The following ANKRD42 variants were observed in gnomAD, a reference collection of about 807,000 sequenced individuals.
ANKRD42 encodes ankyrin repeat domain-containing protein 42.
In ANKRD42, 43 loss-of-function variants were observed where a neutral mutation model predicts 51.5. That is an observed-to-expected ratio of 0.83 (90% CI 0.65 to 1.08). The LOEUF is 1.08. ANKRD42 is among the 50% of genes least tolerant of loss of function. The pLI is 0.00. For synonymous variants in ANKRD42, 203 were observed against 213.0 expected (o/e 0.95, Z 0.41); for missense variants, 608 against 629.3 (o/e 0.97, Z 0.36).
At chr11:83,224,314 A>G (rs74464794) in intron 5 of ANKRD42, among the ~76,000 whole-genome samples, 10 of 152,138 alleles carry the variant, frequency 6.6e-5, no homozygotes, top group Non-Finnish European at 1.3e-4. Flanking sequence ...TATTTATTTT[A>G]CTTATATAAT....
At chr11:83,253,868 T>C (rs867338450), downstream of ANKRD42, among the ~76,000 whole-genome samples, 1 of 152,222 alleles carries the variant, frequency 6.6e-6, no homozygotes, top group Admixed American at 6.5e-5. Context: ...AAGACTTGGT[T>C]TGATAGAACA....
rs1193179191 is a variant in ANKRD42 at position 83,194,405 on chromosome 11, G to A, written c.-266G>A. 3 of 673,722 alleles carry A rather than the reference G, an allele frequency of 4.5e-6. No individual in the cohort carries two copies. The highest frequency in any genetic ancestry group is 8.2e-6 in the Non-Finnish European group (3 of 366,832). 41.7% of individuals were successfully genotyped at this position (673,722 alleles called of 1,614,324 possible). A position where few individuals can be genotyped will look rare whatever the true frequency, so the allele number is the denominator to read the frequency against. ...TGGGAGGAAGTAAGTGGAGACCGCG[G>A]CTACGCAGCCAGCGACTCCTCTGGT... On this transcript the variant is annotated 5_prime_UTR_variant, in exon 1 of 11. Coordinates refer to ENST00000533342, the MANE Select transcript of ANKRD42 (RefSeq NM_001300975.2).
chr11:83,224,047 G>T (rs1862798851), intron 5 of ANKRD42, among the ~76,000 whole-genome samples: 2 of 149,418 alleles, frequency 1.3e-5, no homozygotes, highest in Non-Finnish European at 1.5e-5. Context: ...GTCTGTTCAT[G>T]GCATTCTTGT....
In ANKRD42 at chr11:83,193,754, T is replaced by C. The variant is rs750526778; in HGVS notation, c.-917T>C. Reference sequence around the variant, plus strand: ...CGGCCCTGCTGCCTCTCCAGCCAAGTGGCTGGAGTCGGGAGGCTGGAAAGA... The same window carrying C: ...CGGCCCTGCTGCCTCTCCAGCCAAGCGGCTGGAGTCGGGAGGCTGGAAAGA... On this transcript the variant is annotated 5_prime_UTR_variant, in exon 1 of 11. Coordinates refer to ENST00000533342, the MANE Select transcript of ANKRD42 (RefSeq NM_001300975.2). The C allele has an allele frequency of 1.2e-4, 54 of 432,804 alleles. 1 individual carries two copies. The Middle Eastern group carries it at 3.0e-3, about 24-fold the overall frequency. 26.8% of individuals were successfully genotyped at this position (432,804 alleles called of 1,614,324 possible).
chr11:83,224,745 C>G, intron 5 of ANKRD42, 110 bp from the exon 6 acceptor site: 1 of 854,420 alleles, frequency 1.2e-6, no homozygotes, highest in Non-Finnish European at 1.7e-6. Flanking sequence ...GATTGTGCCA[C>G]TGCACTCCAG....
chr11:83,248,204 A>G lies in ANKRD42; in HGVS notation c.1584A>G (p.Ter528TrpextTer6). Residue 528 changes from the stop codon to tryptophan, a stop_lost, in exon 11 of 11, where the codon TGA (stop) becomes TGG (tryptophan). Coordinates refer to ENST00000533342, the MANE Select transcript of ANKRD42 (RefSeq NM_001300975.2). The stretch of plus-strand genomic sequence containing the variant: ...TGAATCCTGGCTATAGTCTTTTTTG[A>G]TTTGGGCTACTCATTTAACCTTTTT... ...LDLNPGYSLF[*>W] 2 of 1,494,520 alleles carry G rather than the reference A, an allele frequency of 1.3e-6. No individual in the cohort carries two copies. Among genetic ancestry groups the G allele is most frequent in the Non-Finnish European group, 1.8e-6 (2 of 1,124,774 alleles). The allele number at this position is 1,494,520 out of a possible 1,614,324, so 92.6% of individuals were successfully genotyped here. A position where few individuals can be genotyped will look rare whatever the true frequency, so the allele number is the denominator to read the frequency against.
intron 5 of ANKRD42, among the ~76,000 whole-genome samples, chr11:83,220,444 G>A (rs1862684515): frequency 6.6e-6 from 1 of 152,124 alleles, no homozygotes; most frequent in Non-Finnish European, 1.5e-5. Flanking sequence ...GACACTCCTG[G>A]CAGGCTCGCC....
At chr11:83,209,555 G>A (rs1862224617) in intron 3 of ANKRD42, 8 of 974,074 alleles carry the variant, frequency 8.2e-6, no homozygotes, top group African/African-American at 3.2e-5. Context: ...GCAGAGTCAG[G>A]GATGGGTCTA....
intron 7 of ANKRD42, 69 bp downstream of exon 7, chr11:83,227,941 A>AGTTTATT: frequency 6.6e-7 from 1 of 1,513,166 alleles, no homozygotes; most frequent in South Asian, 1.4e-5. Flanking sequence ...TAAAGTAATT[A>AGTTTATT]TCAGTCAGAA....
chr11:83,207,610 T>C (rs540228753), intron 3 of ANKRD42, among the ~76,000 whole-genome samples: 13 of 152,324 alleles, frequency 8.5e-5, no homozygotes, highest in East Asian at 1.9e-4. Flanking sequence ...TTGTCATTCA[T>C]TGGAGATTTA....
chr11:83,249,021 A>C (rs1016196581), downstream of ANKRD42: 5 of 976,908 alleles, frequency 5.1e-6, no homozygotes, highest in African/African-American at 8.8e-5. Flanking sequence ...TCTTTAGCAC[A>C]TGGGGAAAAT....
chr11:83,213,472 C>T, intron 5 of ANKRD42: 6 of 1,380,406 alleles, frequency 4.3e-6, no homozygotes, highest in Non-Finnish European at 5.6e-6. Context: ...CAAAAAACAA[C>T]AACAAAAAAT....
At chr11:83,262,242 T>C (rs545831036), downstream of ANKRD42, among the ~76,000 whole-genome samples, 41 of 152,224 alleles carry the variant, frequency 2.7e-4, no homozygotes, top group African/African-American at 9.4e-4. Flanking sequence ...GCTAGCATTA[T>C]TGACTACTTT....
intron 11 of ANKRD42, among the ~76,000 whole-genome samples, chr11:83,255,152 C>T (rs987345521): frequency 4.6e-5 from 7 of 152,188 alleles, no homozygotes; most frequent in Non-Finnish European, 2.9e-5. Flanking sequence ...CCTCTGTGTT[C>T]GGAGCTGGCT....
intron 3 of ANKRD42, among the ~76,000 whole-genome samples, chr11:83,208,341 G>C (rs529341195): frequency 6.6e-6 from 1 of 151,956 alleles, no homozygotes; most frequent in South Asian, 2.1e-4. Flanking sequence ...TGAGAAAAGA[G>C]AGTTTTTATA....
chr11:83,210,047 A>G, intron 3 of ANKRD42: 1 of 374,496 alleles, frequency 2.7e-6, no homozygotes, highest in Non-Finnish European at 4.8e-6. Context: ...GAAACTTTCC[A>G]TTTTATTCAA....
intron 3 of ANKRD42, among the ~76,000 whole-genome samples, chr11:83,207,923 C>T (rs562006113): frequency 6.6e-6 from 1 of 152,250 alleles, no homozygotes; most frequent in African/African-American, 2.4e-5. Flanking sequence ...TGTAAAGTGC[C>T]TCAGTAATAT....
intron 5 of ANKRD42, among the ~76,000 whole-genome samples, chr11:83,219,240 T>G (rs1862638672): frequency 6.6e-6 from 1 of 152,238 alleles, no homozygotes; most frequent in South Asian, 2.1e-4. Flanking sequence ...GATTTAACCA[T>G]GCTTACCAGC....
At chr11:83,240,964 C>G in intron 9 of ANKRD42, 30 bp downstream of exon 9, 19 of 1,575,902 alleles carry the variant, frequency 1.2e-5, no homozygotes, top group Non-Finnish European at 1.6e-5. Context: ...TGTGATTTAT[C>G]CTTTCAGAAA....
Sources: gnomAD v4.1 joint callset for allele counts (sites outside exome capture counted in the v4.1 genomes callset) on GRCh38, gnomAD v4.1.1 for gene constraint, MANE v1.5 for transcripts, NCBI Gene and HGNC (gene_info 2026-07-23, HGNC 2026-07-21) for gene names.